Variants in ASB18 observed in about 807,000 individuals in gnomAD.
ASB18 encodes the protein ankyrin repeat and SOCS box protein 18.
Under a neutral mutation model 33.4 loss-of-function variants are expected in ASB18, and 33 were observed. The ratio of observed to expected loss-of-function variants is 0.99; its 90% CI spans 0.75 to 1.32. The LOEUF (loss-of-function observed/expected upper bound fraction) is 1.32, where lower values mean the gene tolerates loss of function less well. Ranked by LOEUF, ASB18 falls within the 40% of genes most tolerant of loss-of-function variation. The probability of loss-of-function intolerance (pLI) is 0.00; values close to 1 mark genes in which losing one functional copy is unlikely to be tolerated. For synonymous variants in ASB18, 295 were observed against 307.6 expected, an observed-to-expected ratio of 0.96 and a Z score of 0.43; for missense variants, 694 against 655.5, an observed-to-expected ratio of 1.06 and a Z score of -0.64.
In ASB18 at chr2:236,244,718, A is replaced by G. The variant is rs184520086; in HGVS notation, c.206-3316T>C. On this transcript the variant is annotated intron_variant, in intron 1 of 5. Coordinates refer to ENST00000409749, the MANE Select transcript of ASB18 (RefSeq NM_212556.4). This position sits in a 1 kb window ranked among gnomAD's most constrained non-coding sequence, Gnocchi z 6.1. Reference sequence around the variant, plus strand: ...ACCTGGCTTTTGGGTTGCCCCTTTCACCAAGATCTTCTATAACTAAGGAGT... The same window carrying G: ...ACCTGGCTTTTGGGTTGCCCCTTTCGCCAAGATCTTCTATAACTAAGGAGT... Among the ~76,000 whole-genome samples, 110 of 151,968 alleles carry G rather than the reference A, an allele frequency of 7.2e-4. No homozygotes were observed. The highest frequency in any genetic ancestry group is 7.2e-3 in the Admixed American group (110 of 15,264).
chr2:236,214,478 G>A lies in ASB18; in HGVS notation c.985C>T (p.Pro329Ser). 6.6e-7 allele frequency: 1 copy of A among 1,505,486 alleles called. No individual in the cohort carries two copies. Among genetic ancestry groups the A allele is most frequent in the African/African-American group, 1.4e-5 (1 of 69,478 alleles). The allele number at this position is 1,505,486 out of a possible 1,614,324, so 93.3% of individuals were successfully genotyped here. A position where few individuals can be genotyped will look rare whatever the true frequency, so the allele number is the denominator to read the frequency against. ...GCGGTCTGGAGCACGCGGCCCAGCG[G>A]CGAGGCCCCGCCATAGTCGAGCGCG... is the stretch of plus-strand genomic sequence containing the variant. ...AGALDYGGAS[P>S]LGRVLQTASC... Residue 329 changes from proline (P) to serine (S), a missense_variant, in exon 4 of 6, where the codon CCG (proline) becomes TCG (serine). Coordinates refer to ENST00000409749, the MANE Select transcript of ASB18 (RefSeq NM_212556.4). The surrounding 1 kb of genome is among the most constrained non-coding windows in gnomAD (Gnocchi z 6.5).
intron 1 of ASB18, among the ~76,000 whole-genome samples, chr2:236,246,072 G>A (rs1383929308): frequency 6.6e-6 from 1 of 152,088 alleles, no homozygotes. Context: ...AGAAGACCTG[G>A]CCTGGCACAG....
At chr2:236,202,010 C>A (rs565557666) in intron 4 of ASB18, among the ~76,000 whole-genome samples, 1 of 151,826 alleles carries the variant, frequency 6.6e-6, no homozygotes, top group Admixed American at 6.6e-5. Context: ...GGTGCAATCA[C>A]GAGATCTTGG....
Position 236,229,383 on chromosome 2 carries a change from A to C in ASB18, c.596+8306T>G, listed in dbSNP as rs1325743914. ...ACAGAGCATCAGTGAACTGTGGAAC[A>C]ATCTTAAGTGGCATAGTATATGTAT... On this transcript the variant is annotated intron_variant, in intron 3 of 5. Coordinates refer to ENST00000409749, the MANE Select transcript of ASB18 (RefSeq NM_212556.4). This position sits in a 1 kb window ranked among gnomAD's most constrained non-coding sequence, Gnocchi z 5.2. Among the ~76,000 whole-genome samples the C allele has an allele frequency of 6.6e-6, 1 of 152,184 alleles. No individual in the cohort carries two copies. Among genetic ancestry groups the C allele is most frequent in the East Asian group, 1.9e-4 (1 of 5,196 alleles).
rs1434899625 is a variant in ASB18 at position 236,228,918 on chromosome 2, A to G, written c.596+8771T>C. Among the ~76,000 whole-genome samples the G allele has an allele frequency of 2.6e-5, 4 of 152,308 alleles. No individual in the cohort carries two copies. In the South Asian group the frequency reaches 8.3e-4, roughly 32 times the overall value. ...GGAATACAAAAATATCAAACACCCA[A>G]TGAAATGTAGAGAAAAAACCAAAAA... On this transcript the variant is annotated intron_variant, in intron 3 of 5. Coordinates refer to ENST00000409749, the MANE Select transcript of ASB18 (RefSeq NM_212556.4). The surrounding 1 kb of genome is among the most constrained non-coding windows in gnomAD (Gnocchi z 5.1).
At position 236,237,201 on chromosome 2, in the gene ASB18, T is replaced by G. The variant is rs890649495; in HGVS notation, c.596+488A>C. Among the ~76,000 whole-genome samples, 2 of 152,070 alleles carry G rather than the reference T, an allele frequency of 1.3e-5. No homozygotes were observed. Among genetic ancestry groups the G allele is most frequent in the Admixed American group, 1.3e-4 (2 of 15,282 alleles). On this transcript the variant is annotated intron_variant, in intron 3 of 5. Coordinates refer to ENST00000409749, the MANE Select transcript of ASB18 (RefSeq NM_212556.4). This position sits in a 1 kb window ranked among gnomAD's most constrained non-coding sequence, Gnocchi z 6.2. ...TGCATAAAATTATCATTAAAAACCC[T>G]AATTTTTCAGCCTCCAACCCCGCCA...
intron 4 of ASB18, among the ~76,000 whole-genome samples, chr2:236,212,410 T>C (rs2060462790): frequency 6.6e-6 from 1 of 152,208 alleles, no homozygotes; most frequent in Non-Finnish European, 1.5e-5. Flanking sequence ...CCTGTGGGGC[T>C]GCCCCTAGGA....
rs892347895 is a variant in ASB18, at chr2:236,260,060, C to T, written c.205+4081G>A. Among the ~76,000 whole-genome samples the T allele has an allele frequency of 2.0e-5, 3 of 152,158 alleles. No homozygotes were observed. The highest frequency in any genetic ancestry group is 2.9e-5 in the Non-Finnish European group (2 of 68,042). On this transcript the variant is annotated intron_variant, in intron 1 of 5. Transcript: ENST00000409749. This position sits in a 1 kb window ranked among gnomAD's most constrained non-coding sequence, Gnocchi z 5.1. ...TGGTGGGAGTAGTAAGTTCACAGGC[C>T]GATGAGCATGGTGATTGCACTGCAA...
In ASB18 at chr2:236,238,105, C is replaced by CGCACACAGAGACAGAGAGCAGAGAG. The variant is rs1249818117; in HGVS notation, c.329-174_329-150dup. The CGCACACAGAGACAGAGAGCAGAGAG allele has an allele frequency of 6.2e-5, 34 of 550,012 alleles. No homozygotes were observed. The Admixed American group carries it at 7.8e-4, about 13-fold the overall frequency. 34.1% of individuals were successfully genotyped at this position (550,012 alleles called of 1,614,324 possible). ...AGGGAGAAGAGGATAGAATCAGAGA[C>CGCACACAGAGACAGAGAGCAGAGAG]GCACACAGAGACAGAGAGCAGAGAG... On this transcript the variant is annotated intron_variant, in intron 2 of 5. Coordinates refer to ENST00000409749, the MANE Select transcript of ASB18 (RefSeq NM_212556.4). The surrounding 1 kb of genome is among the most constrained non-coding windows in gnomAD (Gnocchi z 5.2).
rs532994459 is a variant in ASB18, at chr2:236,196,497, G to A, written c.1102-112C>T. On this transcript the variant is annotated intron_variant, in intron 4 of 5. Transcript: ENST00000409749. This position sits in a 1 kb window ranked among gnomAD's most constrained non-coding sequence, Gnocchi z 5.6. ...CTCCCTAGCTGTGTGACCTCCCTAC[G>A]CCCAAGCCACACAGGGAACAGCAAC... 3.7e-5 allele frequency: 24 copies of A among 656,060 alleles called. No individual in the cohort carries two copies. The highest frequency in any genetic ancestry group is 1.7e-4 in the Admixed American group (7 of 41,494). 40.6% of individuals were successfully genotyped at this position (656,060 alleles called of 1,614,324 possible).
At position 236,257,363 on chromosome 2, in the gene ASB18, C is replaced by T. The variant is rs1159057211; in HGVS notation, c.205+6778G>A. Among the ~76,000 whole-genome samples, 1 of 152,186 alleles carries T rather than the reference C, an allele frequency of 6.6e-6. No individual in the cohort carries two copies. Among genetic ancestry groups the T allele is most frequent in the Non-Finnish European group, 1.5e-5 (1 of 68,032 alleles). On this transcript the variant is annotated intron_variant, in intron 1 of 5. Coordinates refer to ENST00000409749, the MANE Select transcript of ASB18 (RefSeq NM_212556.4). This position sits in a 1 kb window ranked among gnomAD's most constrained non-coding sequence, Gnocchi z 5.5. ...CTGGTGGAGTGAGCAGTCAAGACAG[C>T]AGAGCGCTTCTCCTCCTGCCTGCCC...
chr2:236,202,058 T>C (rs943723409), intron 4 of ASB18, among the ~76,000 whole-genome samples: 3 of 152,036 alleles, frequency 2.0e-5, no homozygotes, highest in Non-Finnish European at 4.4e-5. Flanking sequence ...CAAGCAATTC[T>C]CCCGCCTCAG....
chr2:236,241,489 T>C lies in ASB18; in HGVS notation c.206-87A>G. ...CTCTGTCTTTTGAAATATTTGAAGT[T>C]TTCCTCTCACTGGCCCTGGCTGTCT... On this transcript the variant is annotated intron_variant, in intron 1 of 5. Transcript: ENST00000409749. This position sits in a 1 kb window ranked among gnomAD's most constrained non-coding sequence, Gnocchi z 4.2. 1 of 1,528,412 alleles carries C rather than the reference T, an allele frequency of 6.5e-7. No homozygotes were observed. The highest frequency in any genetic ancestry group is 9.0e-7 in the Non-Finnish European group (1 of 1,113,846). The allele number at this position is 1,528,412 out of a possible 1,614,324, so 94.7% of individuals were successfully genotyped here.
At chr2:236,207,103 G>A (rs1271508731) in intron 4 of ASB18, among the ~76,000 whole-genome samples, 1 of 152,226 alleles carries the variant, frequency 6.6e-6, no homozygotes, top group African/African-American at 2.4e-5. Flanking sequence ...CTAGAAGCCA[G>A]CTGATGGGGG....
Position 236,217,895 on chromosome 2 carries a change from A to G in ASB18, c.597-3029T>C, listed in dbSNP as rs1559330859. Among the ~76,000 whole-genome samples the G allele has an allele frequency of 6.6e-6, 1 of 152,224 alleles. No homozygotes were observed. The highest frequency in any genetic ancestry group is 1.5e-5 in the Non-Finnish European group (1 of 68,034). On this transcript the variant is annotated intron_variant, in intron 3 of 5. Transcript: ENST00000409749. This position sits in a 1 kb window ranked among gnomAD's most constrained non-coding sequence, Gnocchi z 5.2. ...TTTGCTTCCTATTTGCTTCTCTGGG[A>G]GGAATTTTGAACAGTGCAGCAGGAC... is the stretch of plus-strand genomic sequence containing the variant.
At chr2:236,232,346 T>C (rs1250595319) in intron 3 of ASB18, among the ~76,000 whole-genome samples, 3 of 151,328 alleles carry the variant, frequency 2.0e-5, no homozygotes, top group African/African-American at 4.8e-5. Flanking sequence ...TCAGCTAAAA[T>C]AGTATGTAGT....
In ASB18 at chr2:236,252,906, C is replaced by G. The variant is rs1289431950; in HGVS notation, c.205+11235G>C. Among the ~76,000 whole-genome samples the G allele has an allele frequency of 1.3e-5, 2 of 152,204 alleles. No homozygotes were observed. The highest frequency in any genetic ancestry group is 2.4e-5 in the African/African-American group (1 of 41,452). Reference sequence around the variant, plus strand: ...CAGAGCTGCATCACCTAAGAACACTCCTCCCAACGTGGCCAGATCCAGTGA... The same window carrying G: ...CAGAGCTGCATCACCTAAGAACACTGCTCCCAACGTGGCCAGATCCAGTGA... On this transcript the variant is annotated intron_variant, in intron 1 of 5. Transcript: ENST00000409749. The surrounding 1 kb of genome is among the most constrained non-coding windows in gnomAD (Gnocchi z 7.9).
rs1453811912 is a variant in ASB18 at position 236,249,664 on chromosome 2, G to A, written c.206-8262C>T. On this transcript the variant is annotated intron_variant, in intron 1 of 5. Coordinates refer to ENST00000409749, the MANE Select transcript of ASB18 (RefSeq NM_212556.4). The surrounding 1 kb of genome is among the most constrained non-coding windows in gnomAD (Gnocchi z 4.6). ...ATTTAGTATTTTTAGTTTTTCAAAT[G>A]GTGTACTTATTTGACAGAGGAAGCT... 3 of 152,144 alleles carry A rather than the reference G, an allele frequency of 2.0e-5. No homozygotes were observed. Among genetic ancestry groups the A allele is most frequent in the Non-Finnish European group, 4.4e-5 (3 of 68,036 alleles). 9.4% of individuals were successfully genotyped at this position (152,144 alleles called of 1,614,324 possible).
rs756246406 is a variant in ASB18, at chr2:236,193,956, C to T, written c.*916G>A. On this transcript the variant is annotated 3_prime_UTR_variant, in exon 6 of 6. Transcript: ENST00000409749. This position sits in a 1 kb window ranked among gnomAD's most constrained non-coding sequence, Gnocchi z 5.0. ...GTGGGTGGGTGTGGGGGTGTGTGAG[C>T]ACCCTGCGATGGAATAGCACCCCGT... 6.6e-6 allele frequency among the ~76,000 whole-genome samples: 1 copy of T among 152,038 alleles called. No homozygotes were observed. The highest frequency in any genetic ancestry group is 2.4e-5 in the African/African-American group (1 of 41,382).
Sources: allele counts gnomAD v4.1 joint callset (sites outside exome capture counted in the v4.1 genomes callset), GRCh38; gene constraint gnomAD v4.1.1; non-coding constraint Gnocchi (gnomAD v3.1); transcripts MANE v1.5; gene names NCBI Gene and HGNC (gene_info 2026-07-23, HGNC 2026-07-21).